The following PHF21A variants were observed in gnomAD, a reference collection of about 807,000 sequenced individuals.
The protein encoded by PHF21A is BHC80a.
In PHF21A, 11 loss-of-function variants were observed where a neutral mutation model predicts 82.5. That is an observed-to-expected ratio of 0.13 (90% CI 0.08 to 0.22). The LOEUF (loss-of-function observed/expected upper bound fraction) is 0.22. PHF21A is among the 10% of genes least tolerant of loss of function. The probability of loss-of-function intolerance (pLI) is 1.00; values close to 1 mark genes in which losing one functional copy is unlikely to be tolerated. For missense variants in PHF21A, 579 were observed against 837.8 expected, an observed-to-expected ratio of 0.69 and a Z score of 3.81; for synonymous variants, 297 against 302.8, an observed-to-expected ratio of 0.98 and a Z score of 0.20.
At chr11:46,056,877 T>A (rs2096464895) in intron 6 of PHF21A, among the ~76,000 whole-genome samples, 1 of 152,122 alleles carries the variant, frequency 6.6e-6, no homozygotes, top group South Asian at 2.1e-4. Flanking sequence ...CATAAAACAA[T>A]TACATTATTT....
intron 6 of PHF21A, among the ~76,000 whole-genome samples, chr11:46,064,587 C>T (rs1214576556): frequency 3.3e-5 from 5 of 152,124 alleles, no homozygotes; most frequent in African/African-American, 4.8e-5. Context: ...TAAAAAGATA[C>T]TAGTTAAAGA....
At chr11:46,017,173 A>G (rs1013783529) in intron 6 of PHF21A, among the ~76,000 whole-genome samples, 6 of 151,874 alleles carry the variant, frequency 4.0e-5, no homozygotes, top group Non-Finnish European at 8.8e-5. Context: ...GTTTCTCCAC[A>G]TTGGTCAGTC....
At chr11:46,032,657 G>A (rs1160160140) in intron 6 of PHF21A, among the ~76,000 whole-genome samples, 1 of 151,944 alleles carries the variant, frequency 6.6e-6, no homozygotes, top group East Asian at 1.9e-4. Flanking sequence ...GTCTGAAAAG[G>A]CTATATATAC....
chr11:46,031,765 A>C (rs763659808), intron 6 of PHF21A, among the ~76,000 whole-genome samples: 3 of 152,230 alleles, frequency 2.0e-5, no homozygotes, highest in Middle Eastern at 6.8e-3. Context: ...GAATGCAATA[A>C]TTTTTTTCCA....
At chr11:46,097,564 G>A (rs953071725) in intron 1 of PHF21A, among the ~76,000 whole-genome samples, 6 of 152,020 alleles carry the variant, frequency 3.9e-5, no homozygotes, top group Admixed American at 1.3e-4. Flanking sequence ...GAATTGTTCC[G>A]CTCCCCAACT....
At chr11:46,099,563 C>CACACACACACACA (rs55803326) in intron 1 of PHF21A, among the ~76,000 whole-genome samples, 1 of 146,862 alleles carries the variant, frequency 6.8e-6, no homozygotes, top group Non-Finnish European at 1.5e-5. Context: ...CACACACACA[C>CACACACACACACA]CCTAAACACA....
chr11:45,939,830 G>A (rs1021774691), intron 15 of PHF21A, among the ~76,000 whole-genome samples: 3 of 149,344 alleles, frequency 2.0e-5, no homozygotes, highest in African/African-American at 7.4e-5. Flanking sequence ...GAGAGTCAAT[G>A]CCTAGCTCAT....
chr11:45,949,890 G>A (rs767537060), intron 12 of PHF21A, among the ~76,000 whole-genome samples: 2 of 152,180 alleles, frequency 1.3e-5, no homozygotes, highest in African/African-American at 4.8e-5. Context: ...AACCTGGAGT[G>A]ACCAGAAAAT....
chr11:46,105,180 T>C (rs2097139922), intron 1 of PHF21A, among the ~76,000 whole-genome samples: 1 of 152,216 alleles, frequency 6.6e-6, no homozygotes, highest in South Asian at 2.1e-4. Context: ...AGCTAGGATC[T>C]GGGCCCATGC....
intron 6 of PHF21A, among the ~76,000 whole-genome samples, chr11:46,054,402 C>G (rs1339279473): frequency 6.6e-6 from 1 of 152,150 alleles, no homozygotes; most frequent in Non-Finnish European, 1.5e-5. Flanking sequence ...TTGGGGTTAT[C>G]CAATTTAGTT....
At chr11:45,986,084 A>AACACACACACACACACAC (rs60179976) in intron 6 of PHF21A, among the ~76,000 whole-genome samples, 15,043 of 132,100 alleles carry the variant, frequency 0.11, 1,070 homozygotes, top group Non-Finnish European at 0.13. Context: ...CTTCCTTCAA[A>AACACACACACACACACAC]ACACACACAC....
At chr11:46,084,341 G>C (rs1023211526) in intron 3 of PHF21A, 39 bp from the exon 4 acceptor site, 152 of 634,958 alleles carry the variant, frequency 2.4e-4, no homozygotes, top group South Asian at 1.1e-3. Context: ...ATTACATTTG[G>C]AATAAATATA....
intron 7 of PHF21A, among the ~76,000 whole-genome samples, chr11:45,974,140 G>C (rs1163631998): frequency 1.3e-5 from 2 of 152,098 alleles, no homozygotes; most frequent in Non-Finnish European, 2.9e-5. Context: ...ATACCTGTTT[G>C]TCTAGTATAC....
intron 1 of PHF21A, among the ~76,000 whole-genome samples, chr11:46,100,083 C>A (rs552448470): frequency 6.6e-6 from 1 of 152,112 alleles, no homozygotes. Context: ...GAAACAAAAA[C>A]CACAAAGAAA....
chr11:46,018,420 C>T (rs2095562043), intron 6 of PHF21A, among the ~76,000 whole-genome samples: 2 of 152,164 alleles, frequency 1.3e-5, no homozygotes, highest in Non-Finnish European at 2.9e-5. Flanking sequence ...AACACTTAGC[C>T]TCTGGTGTAT....
intron 6 of PHF21A, among the ~76,000 whole-genome samples, chr11:45,999,495 A>C (rs1280979649): frequency 6.6e-6 from 1 of 152,226 alleles, no homozygotes; most frequent in Non-Finnish European, 1.5e-5. Flanking sequence ...CTGTTCCTTG[A>C]GACTAGAAAG....
At position 46,019,035 on chromosome 11, in the gene PHF21A, G is replaced by C. The variant is rs189671260; in HGVS notation, c.154-39069C>G. On this transcript the variant is annotated intron_variant, in intron 6 of 18. Transcript: ENST00000676320. Reference sequence around the variant, plus strand: ...TTTGGTCAAAATAAGGCAAGAAAAAGAAAGGGGGAAGAAAATAAGCCTTTC... The same window carrying C: ...TTTGGTCAAAATAAGGCAAGAAAAACAAAGGGGGAAGAAAATAAGCCTTTC... Among the ~76,000 whole-genome samples, 5 of 150,270 alleles carry C rather than the reference G, an allele frequency of 3.3e-5. No homozygotes were observed. In the East Asian group the frequency reaches 7.8e-4, roughly 23 times the overall value.
chr11:46,021,456 T>C (rs1409757270), intron 6 of PHF21A, among the ~76,000 whole-genome samples: 3 of 152,168 alleles, frequency 2.0e-5, no homozygotes, highest in Non-Finnish European at 1.5e-5. Context: ...GAAACAGTAT[T>C]CATCCTGGGC....
chr11:45,939,304 A>G (rs568489438), intron 15 of PHF21A, among the ~76,000 whole-genome samples: 1 of 152,354 alleles, frequency 6.6e-6, no homozygotes, highest in East Asian at 1.9e-4. Context: ...AATATGATAC[A>G]AACAATTCTC....
Sources: allele counts gnomAD v4.1 joint callset (sites outside exome capture counted in the v4.1 genomes callset), GRCh38; gene constraint gnomAD v4.1.1; transcripts MANE v1.5; gene names NCBI Gene and HGNC (gene_info 2026-07-23, HGNC 2026-07-21).